SH3KBP1: variants seen among roughly 807,000 people sequenced by gnomAD.
SH3KBP1 encodes the protein SH3 domain-containing kinase-binding protein 1.
Under a neutral mutation model 50.1 loss-of-function variants are expected in SH3KBP1, and 8 were observed. That is an observed-to-expected ratio of 0.16 (90% CI 0.09 to 0.29). The LOEUF (loss-of-function observed/expected upper bound fraction) is 0.29. Ranked by LOEUF, SH3KBP1 falls within the 10% of genes least tolerant of loss-of-function variation. SH3KBP1 has a pLI of 1.00. For missense variants in SH3KBP1, 377 were observed against 535.2 expected (o/e 0.70, Z 2.92); for synonymous variants, 227 against 218.6 (o/e 1.04, Z -0.34).
intron 6 of SH3KBP1, among the ~76,000 whole-genome samples, chrX:19,661,720 G>A (rs750337634): frequency 9.8e-4 from 101 of 103,348 alleles, no homozygotes; most frequent in African/African-American, 3.2e-3. Flanking sequence ...TCCGCCTCCC[G>A]GGTTCAAACA....
chrX:19,572,271 GTA>G (rs769851735), intron 12 of SH3KBP1, among the ~76,000 whole-genome samples: 48 of 104,323 alleles, frequency 4.6e-4, no homozygotes, highest in African/African-American at 1.3e-3. Context: ...GTTATATAGA[GTA>G]TATGTTATAT....
chrX:19,541,942 G>C lies in SH3KBP1; in HGVS notation c.1875C>G (p.Thr625=). 1 of 1,209,328 alleles carries C rather than the reference G, an allele frequency of 8.3e-7. No individual in the cohort carries two copies. The highest frequency in any genetic ancestry group is 1.1e-6 in the Non-Finnish European group (1 of 894,232). ...QVRELRSIIE[T]MKDQQKREIK... ...GCACTCACTTCTGCTGGTCCTTCATGGTCTCGATGATGCTCCTCAGCTCGC... is the reference window on the plus strand; with the variant it reads ...GCACTCACTTCTGCTGGTCCTTCATCGTCTCGATGATGCTCCTCAGCTCGC... The change falls in exon 16 of 18, where the codon ACC becomes ACG. Residue 625 remains threonine (T), a synonymous_variant. Transcript: ENST00000397821.
chrX:19,853,843 T>G (rs1230771790), intron 1 of SH3KBP1, among the ~76,000 whole-genome samples: 1 of 109,410 alleles, frequency 9.1e-6, no homozygotes, highest in Non-Finnish European at 1.9e-5. Flanking sequence ...GCGCCTGTAG[T>G]CCCAGCTACT....
At chrX:19,783,582 T>C (rs1034647057) in intron 2 of SH3KBP1, among the ~76,000 whole-genome samples, 2 of 111,375 alleles carry the variant, frequency 1.8e-5, no homozygotes, top group South Asian at 7.6e-4. Context: ...CTTATAACCA[T>C]AATTCTACTC....
intron 6 of SH3KBP1, among the ~76,000 whole-genome samples, chrX:19,656,019 G>A (rs1415363253): frequency 9.0e-6 from 1 of 111,381 alleles, no homozygotes; most frequent in East Asian, 2.8e-4. Context: ...AGTAGAGACT[G>A]GTGGGAAGGG....
intron 1 of SH3KBP1, among the ~76,000 whole-genome samples, chrX:19,867,909 G>T (rs2068953901): frequency 9.0e-6 from 1 of 111,540 alleles, no homozygotes; most frequent in African/African-American, 3.3e-5. Context: ...AAATCGAGCT[G>T]CCTAAAGGAG....
intron 3 of SH3KBP1, among the ~76,000 whole-genome samples, chrX:19,713,473 G>A (rs950845213): frequency 9.3e-6 from 1 of 107,851 alleles, no homozygotes; most frequent in Non-Finnish European, 1.9e-5. Flanking sequence ...TGTTGCTTAG[G>A]CTGGTCTCGA....
chrX:19,775,359 G>T (rs1316606457), intron 2 of SH3KBP1, among the ~76,000 whole-genome samples: 7 of 111,951 alleles, frequency 6.3e-5, no homozygotes, highest in Non-Finnish European at 1.1e-4. Context: ...TAAATATTGG[G>T]TGGGCTTGGT....
intron 2 of SH3KBP1, among the ~76,000 whole-genome samples, chrX:19,819,999 T>C (rs1006900813): frequency 5.4e-5 from 6 of 112,002 alleles, no homozygotes; most frequent in Admixed American, 1.9e-4. Flanking sequence ...GTGATTTGAT[T>C]TCCAAGTGTT....
chrX:19,716,585 A>T (rs2063916660), intron 3 of SH3KBP1, among the ~76,000 whole-genome samples: 1 of 111,965 alleles, frequency 8.9e-6, no homozygotes, highest in Non-Finnish European at 1.9e-5. Flanking sequence ...CCTTTGAGCC[A>T]TGGAGGGTAG....
intron 2 of SH3KBP1, among the ~76,000 whole-genome samples, chrX:19,786,103 A>AT (rs2066339397): frequency 8.9e-6 from 1 of 112,144 alleles, no homozygotes; most frequent in Admixed American, 9.4e-5. Context: ...AATTTTTTAC[A>AT]TTTTTTTAAG....
intron 6 of SH3KBP1, among the ~76,000 whole-genome samples, chrX:19,653,571 C>T (rs1432639594): frequency 2.7e-5 from 3 of 109,590 alleles, no homozygotes; most frequent in African/African-American, 1.0e-4. Flanking sequence ...ATTAGCTGGG[C>T]GTGGTGTTGT....
intron 8 of SH3KBP1, among the ~76,000 whole-genome samples, chrX:19,621,012 G>GTTTT (rs57010197): frequency 1.5e-5 from 1 of 68,718 alleles, no homozygotes; most frequent in Non-Finnish European, 2.7e-5. Context: ...GTTCAGGTTG[G>GTTTT]TTTTTTTTTT....
chrX:19,605,196 A>C (rs185774254), intron 9 of SH3KBP1, among the ~76,000 whole-genome samples: 1 of 110,739 alleles, frequency 9.0e-6, no homozygotes, highest in East Asian at 2.8e-4. Flanking sequence ...GGGAATTAGA[A>C]GGCATGCTTT....
chrX:19,828,204 T>C (rs1044320703), intron 2 of SH3KBP1, among the ~76,000 whole-genome samples: 16 of 111,384 alleles, frequency 1.4e-4, no homozygotes, highest in Non-Finnish European at 2.8e-4. Context: ...CTCTAAGACA[T>C]GAACCAGTTT....
chrX:19,597,563 AG>A (rs2066943180), intron 9 of SH3KBP1, among the ~76,000 whole-genome samples: 1 of 111,933 alleles, frequency 8.9e-6, no homozygotes. Context: ...CTGAGGCCAC[AG>A]GTGCACACCA....
At position 19,722,933 on chromosome X, in the gene SH3KBP1, G is replaced by A. The variant is rs182392168; in HGVS notation, c.287-15949C>T. 1.8e-3 allele frequency among the ~76,000 whole-genome samples: 200 copies of A among 109,912 alleles called. 2 individuals carry two copies. The highest frequency in any genetic ancestry group is 6.2e-3 in the African/African-American group (187 of 30,152). On this transcript the variant is annotated intron_variant, in intron 3 of 17. Coordinates refer to ENST00000397821, the MANE Select transcript of SH3KBP1 (RefSeq NM_031892.3). ...GCAGATCTCTTGAGCTCAGGAGTTC[G>A]AGACTAGCCTGGGCAACATGGCAAA... is the stretch of plus-strand genomic sequence containing the variant.
rs762388170 is a variant in SH3KBP1, at chrX:19,706,890, C to T, written c.381G>A (p.Val127=). ...CGGCCAGGTCGCTTACCTCTCCTAC[C>T]ACCTCTATGATGTCGCCAACTTTCA... ...LELKVGDIIE[V]VGEVEEGWWE... The change falls in exon 4 of 18, where the codon GTG becomes GTA. Residue 127 remains valine (V), a synonymous_variant. Coordinates refer to ENST00000397821, the MANE Select transcript of SH3KBP1 (RefSeq NM_031892.3). 46 of 1,207,456 alleles carry T rather than the reference C, an allele frequency of 3.8e-5. No homozygotes were observed. In the South Asian group the frequency reaches 5.6e-4, roughly 15 times the overall value.
At chrX:19,850,072 G>C (rs1221008671) in intron 1 of SH3KBP1, among the ~76,000 whole-genome samples, 1 of 112,133 alleles carries the variant, frequency 8.9e-6, no homozygotes, top group East Asian at 2.8e-4. Flanking sequence ...GCATAGCAAT[G>C]CACCTGGAAA....
Sources: allele counts gnomAD v4.1 joint callset (sites outside exome capture counted in the v4.1 genomes callset), GRCh38; gene constraint gnomAD v4.1.1; transcripts MANE v1.5; gene names NCBI Gene and HGNC (gene_info 2026-07-23, HGNC 2026-07-21).